The following HDAC5 variants were observed in gnomAD, a reference collection of about 807,000 sequenced individuals.
The protein encoded by HDAC5 is histone deacetylase 5, also known as antigen NY-CO-9.
Under a neutral mutation model 133.3 loss-of-function variants are expected in HDAC5, and 25 were observed. That is an observed-to-expected ratio of 0.19 (90% CI 0.14 to 0.26). The LOEUF (loss-of-function observed/expected upper bound fraction) is 0.26. HDAC5 is among the 10% of genes least tolerant of loss of function. HDAC5 has a pLI of 1.00. For missense variants in HDAC5, 1,041 were observed against 1,460.5 expected, an observed-to-expected ratio of 0.71 and a Z score of 4.68; for synonymous variants, 589 against 610.8, an observed-to-expected ratio of 0.96 and a Z score of 0.53.
intron 3 of HDAC5, 74 bp downstream of exon 3, chr17:44,110,655 T>C: frequency 1.7e-6 from 2 of 1,209,290 alleles, no homozygotes; most frequent in Non-Finnish European, 2.4e-6. Flanking sequence ...TGTGCAAGGC[T>C]CAGGGCCAGA....
intron 3 of HDAC5, among the ~76,000 whole-genome samples, chr17:44,094,551 C>T (rs1282307467): frequency 1.3e-5 from 2 of 151,428 alleles, no homozygotes; most frequent in Non-Finnish European, 2.9e-5. Context: ...GCAGGAGAAT[C>T]GCTTGAACCC....
intron 6 of HDAC5, 22 bp from the exon 7 acceptor site, chr17:44,092,828 G>GC: frequency 1.7e-5 from 10 of 596,610 alleles, no homozygotes; most frequent in East Asian, 3.5e-5. Context: ...GGGGGGTGGG[G>GC]ATGGAAGCAG....
intron 25 of HDAC5, 34 bp from the exon 26 acceptor site, chr17:44,078,699 G>T (rs932206414): frequency 1.2e-6 from 2 of 1,606,938 alleles, no homozygotes; most frequent in African/African-American, 1.3e-5. Context: ...GGTCAGGGAG[G>T]GCAGAGGACA....
At chr17:44,083,080 A>C (rs927521020) in intron 18 of HDAC5, among the ~76,000 whole-genome samples, 1 of 152,100 alleles carries the variant, frequency 6.6e-6, no homozygotes, top group Non-Finnish European at 1.5e-5. Context: ...CCAGGCTCAG[A>C]CAATCCTTCC....
intron 2 of HDAC5, chr17:44,111,638 CCCTGG>C: frequency 1.9e-6 from 1 of 518,076 alleles, no homozygotes; most frequent in East Asian, 5.4e-5. Flanking sequence ...CAGGCACCTT[CCCTGG>C]AGTTCTAATA....
rs772843540 is a variant in HDAC5, at chr17:44,108,762, C to CA, written c.94+1966dup. ...TACATTCCAGAGTCCAAAAAAAAAA[C>CA]AAAAAAAAAACAAAAAAAAAACAAG... On this transcript the variant is annotated intron_variant, in intron 3 of 26. Transcript: ENST00000682912. Among the ~76,000 whole-genome samples the CA allele has an allele frequency of 1.9e-3, 102 of 54,642 alleles. 1 individual carries two copies. The highest frequency in any genetic ancestry group is 3.8e-3 in the African/African-American group (79 of 20,858). The allele number at this position is 54,642 out of a possible 152,430, so 35.8% of individuals were successfully genotyped here.
intron 14 of HDAC5, 94 bp downstream of exon 14, chr17:44,086,478 G>A: frequency 9.0e-7 from 1 of 1,116,132 alleles, no homozygotes; most frequent in East Asian, 3.2e-5. Flanking sequence ...TGCCTAAGGG[G>A]CCCCAGCAGC....
intron 11 of HDAC5, among the ~76,000 whole-genome samples, chr17:44,090,350 A>T (rs2050882649): frequency 6.6e-6 from 1 of 152,176 alleles, no homozygotes; most frequent in Non-Finnish European, 1.5e-5. Context: ...TAATGAGTTA[A>T]ATATATGTGG....
intron 14 of HDAC5, among the ~76,000 whole-genome samples, chr17:44,085,869 T>G (rs1177948516): frequency 6.6e-6 from 1 of 152,154 alleles, no homozygotes; most frequent in Non-Finnish European, 1.5e-5. Flanking sequence ...CTCAAACTCC[T>G]GGGCTCAAGT....
intron 10 of HDAC5, 80 bp from the exon 11 acceptor site, chr17:44,091,572 C>A: frequency 1.4e-6 from 2 of 1,480,126 alleles, no homozygotes; most frequent in East Asian, 2.3e-5. Flanking sequence ...CACTATCTAC[C>A]CCCCAAGCTC....
In HDAC5 at chr17:44,093,397, T is replaced by TCCC. The variant is rs1239020380; in HGVS notation, c.440_442dup (p.Arg147_Glu148insGly). The TCCC allele has an allele frequency of 6.3e-7, 1 of 1,590,952 alleles. No individual in the cohort carries two copies. Among genetic ancestry groups the TCCC allele is most frequent in the Non-Finnish European group, 8.5e-7 (1 of 1,171,156 alleles). The stretch of plus-strand genomic sequence containing the variant: ...CTCCAGCTCTTCCTGCCGCTGCTGC[T>TCCC]CCCGCTGCCGCTGCTGCTCCAGCTC... On this transcript the variant is annotated inframe_insertion, in exon 5 of 27. Coordinates refer to ENST00000682912, the MANE Select transcript of HDAC5 (RefSeq NM_005474.5).
intron 7 of HDAC5, 47 bp from the exon 8 acceptor site, chr17:44,092,574 A>C: frequency 1.3e-6 from 2 of 1,585,018 alleles, no homozygotes; most frequent in Non-Finnish European, 1.7e-6. Context: ...AGCAGCACAC[A>C]TCTGCAGCTG....
Position 44,091,200 on chromosome 17 carries a change from G to A in HDAC5, c.1387+70C>T, listed in dbSNP as rs1444484145. 4 of 1,159,346 alleles carry A rather than the reference G, an allele frequency of 3.5e-6. No individual in the cohort carries two copies. In the Admixed American group the frequency reaches 5.9e-5, roughly 17 times the overall value. 71.8% of individuals were successfully genotyped at this position (1,159,346 alleles called of 1,614,324 possible). On this transcript the variant is annotated intron_variant, in intron 11 of 26. Coordinates refer to ENST00000682912, the MANE Select transcript of HDAC5 (RefSeq NM_005474.5). ...TTCTGCTAAGGGGAACTGTGACAGG[G>A]TTGGAGAGTATCCCTGACAGTTGGT... is the stretch of plus-strand genomic sequence containing the variant.
Position 44,093,172 on chromosome 17 carries a change from G to C in HDAC5, c.561C>G (p.Leu187=). 1 of 1,613,728 alleles carries C rather than the reference G, an allele frequency of 6.2e-7. No homozygotes were observed. Among genetic ancestry groups the C allele is most frequent in the Non-Finnish European group, 8.5e-7 (1 of 1,179,808 alleles). Residue 187 remains leucine, a synonymous_variant, in exon 6 of 27, where the codon CTC becomes CTG. Coordinates refer to ENST00000682912, the MANE Select transcript of HDAC5 (RefSeq NM_005474.5). ...TTGACTTCGACAAGAGGAATTCCTG[G>C]AGCCTCAGCTTTACCTCAGTGCTGG... is the stretch of plus-strand genomic sequence containing the variant. ...AIASTEVKLR[L]QEFLLSKSKE...
intron 23 of HDAC5, among the ~76,000 whole-genome samples, chr17:44,079,832 A>AG: frequency 6.6e-6 from 1 of 152,098 alleles, no homozygotes; most frequent in African/African-American, 2.4e-5. Flanking sequence ...AATGACAAGG[A>AG]GCATCACTGA....
At chr17:44,095,899 T>C (rs2051244945) in intron 3 of HDAC5, among the ~76,000 whole-genome samples, 1 of 151,636 alleles carries the variant, frequency 6.6e-6, no homozygotes, top group South Asian at 2.1e-4. Context: ...GGGAAGGCAG[T>C]GGAGGGCCTG....
chr17:44,112,013 G>A (rs1370335508), intron 2 of HDAC5, among the ~76,000 whole-genome samples: 1 of 152,118 alleles, frequency 6.6e-6, no homozygotes. Flanking sequence ...CCTTGGGAGA[G>A]GCACAGATGG....
chr17:44,108,375 G>A (rs1234266838), intron 3 of HDAC5, among the ~76,000 whole-genome samples: 2 of 152,196 alleles, frequency 1.3e-5, no homozygotes, highest in Non-Finnish European at 2.9e-5. Context: ...CCATGTGCCA[G>A]GCACTGTGCT....
rs1433804459 is a variant in HDAC5, at chr17:44,093,390, C to T, written c.450G>A (p.Gln150=). The T allele has an allele frequency of 5.0e-6, 8 of 1,589,882 alleles. No individual in the cohort carries two copies. The highest frequency in any genetic ancestry group is 6.8e-6 in the Non-Finnish European group (8 of 1,171,128). The change falls in exon 5 of 27, where the codon CAG becomes CAA. Residue 150 remains glutamine (Q), a synonymous_variant. Coordinates refer to ENST00000682912, the MANE Select transcript of HDAC5 (RefSeq NM_005474.5). The stretch of plus-strand genomic sequence containing the variant: ...GCTGCTTCTCCAGCTCTTCCTGCCG[C>T]TGCTGCTCCCGCTGCCGCTGCTGCT... ...ELEQQRQREQ[Q]RQEELEKQRL... is the part of the protein sequence containing the mutation.
Sources: allele counts gnomAD v4.1 joint callset (sites outside exome capture counted in the v4.1 genomes callset), GRCh38; gene constraint gnomAD v4.1.1; transcripts MANE v1.5; gene names NCBI Gene and HGNC (gene_info 2026-07-23, HGNC 2026-07-21).